Variants in CDCA7L observed in about 807,000 individuals in gnomAD.
CDCA7L encodes cell division cycle associated 7 like.
A neutral mutation model predicts 57.4 loss-of-function variants in CDCA7L; 44 were observed. That is an observed-to-expected ratio of 0.77 (90% CI 0.60 to 0.98). The LOEUF is 0.98. Ranked by LOEUF, CDCA7L falls within the 50% of genes least tolerant of loss-of-function variation. The probability of loss-of-function intolerance (pLI) is 0.00; values close to 1 mark genes in which losing one functional copy is unlikely to be tolerated. For missense variants in CDCA7L, 644 were observed against 580.6 expected, an observed-to-expected ratio of 1.11 and a Z score of -1.12; for synonymous variants, 236 against 202.8, an observed-to-expected ratio of 1.16 and a Z score of -1.39.
At chr7:21,927,544 C>T (rs1394312636) in intron 1 of CDCA7L, among the ~76,000 whole-genome samples, 1 of 151,950 alleles carries the variant, frequency 6.6e-6, no homozygotes, top group African/African-American at 2.4e-5. Flanking sequence ...TCTTTAGGCA[C>T]ACCAATATAG....
In CDCA7L at chr7:21,945,890, G is replaced by A. The variant is rs887845189; in HGVS notation, c.-86C>T. The A allele has an allele frequency of 9.7e-6, 14 of 1,439,050 alleles. No homozygotes were observed. The South Asian group carries it at 1.3e-4, about 14-fold the overall frequency. 89.1% of individuals were successfully genotyped at this position (1,439,050 alleles called of 1,614,324 possible). On this transcript the variant is annotated 5_prime_UTR_variant, in exon 1 of 10. Transcript: ENST00000406877. ...CGGCCCGGCGCACCAAGAACGCCCC[G>A]CGCCCGAGCAGCTAGCGCGCTCCGC...
rs577930347 is a variant in CDCA7L, at chr7:21,938,762, T to C, written c.24+7019A>G. Among the ~76,000 whole-genome samples the C allele has an allele frequency of 4.6e-5, 7 of 152,298 alleles. No individual in the cohort carries two copies. In the East Asian group the frequency reaches 1.4e-3, roughly 29 times the overall value. ...TCTTATGCCTCTAATCCCAGCACTT[T>C]GGGAGGCCAAGACAGGAGGATTGCT... On this transcript the variant is annotated intron_variant, in intron 1 of 9. Transcript: ENST00000406877.
intron 1 of CDCA7L, among the ~76,000 whole-genome samples, chr7:21,919,827 A>T (rs139373149): frequency 2.8e-4 from 42 of 152,306 alleles, no homozygotes; most frequent in African/African-American, 1.0e-3. Context: ...GTGCAGTTCA[A>T]GATTTCTTTG....
intron 2 of CDCA7L, among the ~76,000 whole-genome samples, 181 bp downstream of exon 2, chr7:21,916,573 G>C (rs1002292219): frequency 6.8e-6 from 1 of 147,276 alleles, no homozygotes; most frequent in African/African-American, 2.5e-5. Context: ...ACACAGCAAA[G>C]TGAACGAGGT....
At chr7:21,927,702 G>C (rs533270207) in intron 1 of CDCA7L, among the ~76,000 whole-genome samples, 1 of 152,132 alleles carries the variant, frequency 6.6e-6, no homozygotes, top group Non-Finnish European at 1.5e-5. Context: ...AGGACAACTC[G>C]GAAGAGGTCC....
chr7:21,905,783 G>T, intron 6 of CDCA7L, 152 bp from the exon 7 acceptor site: 1 of 836,482 alleles, frequency 1.2e-6, no homozygotes, highest in Non-Finnish European at 1.7e-6. Flanking sequence ...TATTTACTGA[G>T]CTCCTGCCAC....
At chr7:21,918,965 T>C (rs1785573604) in intron 1 of CDCA7L, among the ~76,000 whole-genome samples, 1 of 152,160 alleles carries the variant, frequency 6.6e-6, no homozygotes. Context: ...AGTTTCAGCG[T>C]CCATTGACAA....
intron 2 of CDCA7L, among the ~76,000 whole-genome samples, chr7:21,913,442 G>C (rs775011051): frequency 5.3e-5 from 8 of 152,174 alleles, no homozygotes; most frequent in Non-Finnish European, 1.0e-4. Flanking sequence ...AGTTCATGCA[G>C]CTTCTCTCTA....
At chr7:21,915,848 T>C (rs965823655) in intron 2 of CDCA7L, among the ~76,000 whole-genome samples, 2 of 151,042 alleles carry the variant, frequency 1.3e-5, no homozygotes, top group African/African-American at 4.9e-5. Flanking sequence ...AAAATAATAA[T>C]AACAAAGAGC....
At chr7:21,944,320 G>A (rs1786437659) in intron 1 of CDCA7L, among the ~76,000 whole-genome samples, 1 of 150,676 alleles carries the variant, frequency 6.6e-6, no homozygotes, top group African/African-American at 2.4e-5. Context: ...GCGTGGTGGC[G>A]GGCGCCTGTA....
At chr7:21,941,526 T>G (rs990066751) in intron 1 of CDCA7L, among the ~76,000 whole-genome samples, 1 of 152,244 alleles carries the variant, frequency 6.6e-6, no homozygotes, top group South Asian at 2.1e-4. Flanking sequence ...GTCATTCCTA[T>G]GTAAAAGCTT....
rs540306651 is a variant in CDCA7L, at chr7:21,902,098, A to G, written c.*224T>C. On this transcript the variant is annotated 3_prime_UTR_variant, in exon 10 of 10. Coordinates refer to ENST00000406877, the MANE Select transcript of CDCA7L (RefSeq NM_018719.5). ...GCAGATATTTTTAACAAAGTTCAGC[A>G]TACAGACAGGTCTGTGCATACATCT... 7 of 547,420 alleles carry G rather than the reference A, an allele frequency of 1.3e-5. No individual in the cohort carries two copies. Among genetic ancestry groups the G allele is most frequent in the Middle Eastern group, 4.8e-4 (1 of 2,064 alleles). 33.9% of individuals were successfully genotyped at this position (547,420 alleles called of 1,614,324 possible).
Position 21,901,804 on chromosome 7 carries a change from C to CAAGT in CDCA7L, c.*514_*517dup. The CAAGT allele has an allele frequency of 6.1e-6, 1 of 164,350 alleles. No individual in the cohort carries two copies. Among genetic ancestry groups the CAAGT allele is most frequent in the Non-Finnish European group, 1.3e-5 (1 of 74,512 alleles). 10.2% of individuals were successfully genotyped at this position (164,350 alleles called of 1,614,324 possible). On this transcript the variant is annotated 3_prime_UTR_variant, in exon 10 of 10. Transcript: ENST00000406877. The stretch of plus-strand genomic sequence containing the variant: ...TGTTGATGGTCCCCTTTTGTTCAGT[C>CAAGT]AAGTTTTAATAAAAATAAAACTGTT...
intron 1 of CDCA7L, among the ~76,000 whole-genome samples, chr7:21,939,828 G>A (rs747475981): frequency 3.9e-5 from 6 of 152,044 alleles, no homozygotes; most frequent in Non-Finnish European, 8.8e-5. Context: ...CGACTACCAT[G>A]ACCCCAGATC....
Position 21,908,403 on chromosome 7 carries a change from T to C in CDCA7L, c.408A>G (p.Arg136=), listed in dbSNP as rs764953629. 5.0e-6 allele frequency: 8 copies of C among 1,603,912 alleles called. No individual in the cohort carries two copies. Among genetic ancestry groups the C allele is most frequent in the Non-Finnish European group, 6.8e-6 (8 of 1,177,526 alleles). The change falls in exon 4 of 10, where the codon AGA becomes AGG. Residue 136 remains arginine (R), a synonymous_variant. Coordinates refer to ENST00000406877, the MANE Select transcript of CDCA7L (RefSeq NM_018719.5). ...DKATPRRSRS[R]RSSIGLRVAF... is the part of the protein sequence containing the mutation. ...CTACTCGAAGACCAATACTACTTCT[T>C]CTAGACCTGCTTCTTCTAGGGGTAG...
intron 1 of CDCA7L, among the ~76,000 whole-genome samples, chr7:21,923,358 T>C (rs1227879429): frequency 1.3e-5 from 2 of 152,040 alleles, no homozygotes; most frequent in Non-Finnish European, 2.9e-5. Context: ...TGGGTTGTGG[T>C]GGCGTGTGCC....
At chr7:21,943,770 G>T (rs964229984) in intron 1 of CDCA7L, among the ~76,000 whole-genome samples, 2 of 151,074 alleles carry the variant, frequency 1.3e-5, no homozygotes, top group African/African-American at 4.9e-5. Context: ...ATAGTAATTT[G>T]CCTTAATTGG....
At chr7:21,910,518 T>A (rs1337090229) in intron 3 of CDCA7L, among the ~76,000 whole-genome samples, 2 of 152,168 alleles carry the variant, frequency 1.3e-5, no homozygotes, top group Non-Finnish European at 2.9e-5. Flanking sequence ...CTGCCAAAAG[T>A]TAGTCTTTAG....
chr7:21,941,796 C>T (rs575909116), intron 1 of CDCA7L, among the ~76,000 whole-genome samples: 10 of 152,310 alleles, frequency 6.6e-5, no homozygotes, highest in Non-Finnish European at 1.0e-4. Flanking sequence ...ACCTACTTCA[C>T]AGAACTACAG....
Sources: allele counts gnomAD v4.1 joint callset (sites outside exome capture counted in the v4.1 genomes callset), GRCh38; gene constraint gnomAD v4.1.1; transcripts MANE v1.5; gene names NCBI Gene and HGNC (gene_info 2026-07-23, HGNC 2026-07-21).